The following TNFRSF8 variants were observed in gnomAD, a reference collection of about 807,000 sequenced individuals.
TNFRSF8 encodes TNF receptor superfamily member 8.
A neutral mutation model predicts 70.8 loss-of-function variants in TNFRSF8; 26 were observed. That is an observed-to-expected ratio of 0.37 (90% confidence interval 0.27 to 0.51). The LOEUF (loss-of-function observed/expected upper bound fraction) is 0.51, where lower values mean the gene tolerates loss of function less well. Ranked by LOEUF, TNFRSF8 falls within the 20% of genes least tolerant of loss-of-function variation. TNFRSF8 has a pLI of 0.94. For missense variants in TNFRSF8, 720 were observed against 807.9 expected (o/e 0.89, Z 1.32); for synonymous variants, 356 against 339.2 (o/e 1.05, Z -0.54).
In TNFRSF8 at chr1:12,109,143, C is replaced by T. The variant is rs547428042; in HGVS notation, c.422-423C>T. ...GCTCTGCCCAGCGCCAGTGGGAAGACAGCTTCCCTTTCTTACATTTTTAAT... is the reference window on the plus strand; with the variant it reads ...GCTCTGCCCAGCGCCAGTGGGAAGATAGCTTCCCTTTCTTACATTTTTAAT... On this transcript the variant is annotated intron_variant, in intron 4 of 14. Transcript: ENST00000263932. This position sits in a 1 kb window ranked among gnomAD's most constrained non-coding sequence, Gnocchi z 4.4. Among the ~76,000 whole-genome samples the T allele has an allele frequency of 6.6e-6, 1 of 152,316 alleles. No individual in the cohort carries two copies. The highest frequency in any genetic ancestry group is 1.9e-4 in the East Asian group (1 of 5,188).
intron 13 of TNFRSF8, 89 bp downstream of exon 13, chr1:12,135,702 G>A (rs931706176): frequency 6.4e-7 from 1 of 1,555,644 alleles, no homozygotes. Flanking sequence ...AGAGCTGCTG[G>A]GGGAAGGGAG....
intron 1 of TNFRSF8, among the ~76,000 whole-genome samples, chr1:12,073,074 G>T (rs149395793): frequency 3.0e-4 from 46 of 152,280 alleles, no homozygotes; most frequent in African/African-American, 9.6e-4. Flanking sequence ...GATCTCATGA[G>T]CCCAGGAGTT....
chr1:12,104,470 C>T lies in TNFRSF8; in HGVS notation c.360C>T (p.Asn120=), dbSNP rs749944820. 1.9e-6 allele frequency: 3 copies of T among 1,614,098 alleles called. No individual in the cohort carries two copies. In the Admixed American group the frequency reaches 5.0e-5, roughly 27 times the overall value. The change falls in exon 4 of 15, where the codon AAC becomes AAT. Residue 120 remains asparagine (N), a synonymous_variant. Transcript: ENST00000263932. ...PGMFCSTSAV[N]SCARCFFHSV... is the part of the protein sequence containing the mutation. ...TGTTCTGTTCCACGTCTGCCGTCAA[C>T]TCCTGTGCCCGCTGCTTCTTCCATT...
At chr1:12,136,712 G>T (rs816046) in intron 13 of TNFRSF8, among the ~76,000 whole-genome samples, 100,585 of 149,964 alleles carry the variant, frequency 0.67, 34,132 homozygotes, top group East Asian at 0.77. Context: ...GTATTCAAGA[G>T]TATGTATTAA....
At chr1:12,098,871 C>G (rs552573998) in intron 3 of TNFRSF8, among the ~76,000 whole-genome samples, 3 of 152,346 alleles carry the variant, frequency 2.0e-5, no homozygotes, top group African/African-American at 7.2e-5. Context: ...CATCCTCTTC[C>G]TGACTTTTAT....
chr1:12,073,719 G>C (rs1197772704), intron 1 of TNFRSF8, among the ~76,000 whole-genome samples: 2 of 151,040 alleles, frequency 1.3e-5, no homozygotes, highest in Admixed American at 6.6e-5. Context: ...TCAGGATCCC[G>C]AGTAGCTGGG....
Position 12,143,882 on chromosome 1 carries a change from C to T in TNFRSF8, c.*1351C>T, listed in dbSNP as rs964014022. The T allele has an allele frequency of 4.6e-5, 7 of 152,232 alleles. 1 individual carries two copies. The East Asian group carries it at 5.8e-4, about 13-fold the overall frequency. 9.4% of individuals were successfully genotyped at this position (152,232 alleles called of 1,614,324 possible). On this transcript the variant is annotated 3_prime_UTR_variant, in exon 15 of 15. Coordinates refer to ENST00000263932, the MANE Select transcript of TNFRSF8 (RefSeq NM_001243.5). The surrounding 1 kb of genome is among the most constrained non-coding windows in gnomAD (Gnocchi z 4.1). ...TGGAGGAAGTGATAGTTTCTGAAAC[C>T]GCTCAGATGTTTTGGGGAAAGTTGG...
chr1:12,133,615 C>T (rs1017630525), intron 12 of TNFRSF8, among the ~76,000 whole-genome samples: 4 of 151,440 alleles, frequency 2.6e-5, no homozygotes, highest in Non-Finnish European at 4.4e-5. Flanking sequence ...TGGTGCGTGC[C>T]TGTAATCCCA....
At chr1:12,104,125 T>A (rs1641473454) in intron 3 of TNFRSF8, among the ~76,000 whole-genome samples, 1 of 152,234 alleles carries the variant, frequency 6.6e-6, no homozygotes, top group African/African-American at 2.4e-5. Context: ...GTGTGTGGCC[T>A]TTTCAGACTG....
At chr1:12,095,472 G>C (rs1200688633) in intron 2 of TNFRSF8, among the ~76,000 whole-genome samples, 3 of 152,130 alleles carry the variant, frequency 2.0e-5, no homozygotes, top group Non-Finnish European at 2.9e-5. Flanking sequence ...ATTTTTAGTA[G>C]AGACGGTGTT....
chr1:12,097,934 C>A (rs1257452073), intron 3 of TNFRSF8, among the ~76,000 whole-genome samples: 1 of 151,794 alleles, frequency 6.6e-6, no homozygotes, highest in Non-Finnish European at 1.5e-5. Flanking sequence ...TAATGTGTAC[C>A]CTTATTTACT....
rs11569907 is a variant in TNFRSF8, at chr1:12,125,149, G to A, written c.1154-802G>A. 9.7e-3 allele frequency among the ~76,000 whole-genome samples: 1,477 copies of A among 152,320 alleles called. 35 individuals carry two copies. The highest frequency in any genetic ancestry group is 0.033 in the African/African-American group (1,373 of 41,576). On this transcript the variant is annotated intron_variant, in intron 10 of 14. Transcript: ENST00000263932. ...ATTAACGTTTGAGAAGCACTTAACT[G>A]GCATATACTACTTTTTAAACATCTA...
intron 1 of TNFRSF8, among the ~76,000 whole-genome samples, chr1:12,070,153 TGGGGGATTGGGGGGAGCAGGCA>T (rs1049006621): frequency 1.1e-4 from 7 of 62,594 alleles, no homozygotes; most frequent in African/African-American, 4.4e-4. Context: ...TGTGGGGGGC[TGGGGGATTGGGGGGAGCAGGCA>T]GGATGGGAGC....
intron 12 of TNFRSF8, among the ~76,000 whole-genome samples, chr1:12,135,258 T>A (rs369047118): frequency 6.9e-6 from 1 of 144,462 alleles, no homozygotes; most frequent in African/African-American, 2.6e-5. Context: ...GGAGGTTACA[T>A]TGAGCCGAGA....
intron 1 of TNFRSF8, among the ~76,000 whole-genome samples, chr1:12,074,792 T>C (rs1462658545): frequency 6.6e-6 from 1 of 152,118 alleles, no homozygotes; most frequent in Admixed American, 6.5e-5. Flanking sequence ...TTTGTTTGTT[T>C]GTTTATTTAT....
intron 1 of TNFRSF8, chr1:12,080,317 C>T (rs1641042053): frequency 5.7e-6 from 3 of 524,136 alleles, no homozygotes; most frequent in Non-Finnish European, 1.1e-5. Flanking sequence ...CATATGCCTT[C>T]TTCTCTCCAT....
At chr1:12,090,479 CGTACCCACTCATCCAT>C (rs1557582473) in intron 2 of TNFRSF8, among the ~76,000 whole-genome samples, 1 of 150,082 alleles carries the variant, frequency 6.7e-6, no homozygotes, top group African/African-American at 2.5e-5. Context: ...CATCCATCCA[CGTACCCACTCATCCAT>C]CCACCCACCC....
Position 12,141,578 on chromosome 1 carries a change from G to A in TNFRSF8, c.1544-709G>A, listed in dbSNP as rs1227862672. On this transcript the variant is annotated intron_variant, in intron 14 of 14. Transcript: ENST00000263932. This position sits in a 1 kb window ranked among gnomAD's most constrained non-coding sequence, Gnocchi z 5.4. ...CAGGCTGTCTCAATCATGGGCTGCC[G>A]AGACCTATTGAGGGGGCCGGGTTTT... 2.6e-5 allele frequency among the ~76,000 whole-genome samples: 4 copies of A among 152,378 alleles called. No homozygotes were observed. Among genetic ancestry groups the A allele is most frequent in the Non-Finnish European group, 5.9e-5 (4 of 68,038 alleles).
rs529940234 is a variant in TNFRSF8 at position 12,063,587 on chromosome 1, C to T, written c.-12C>T. ...CGCCGGCCGCCAGGCCACCTCACGTCCGGCCCCGGGGATGCGCGTCCTCCT... is the reference window on the plus strand; with the variant it reads ...CGCCGGCCGCCAGGCCACCTCACGTTCGGCCCCGGGGATGCGCGTCCTCCT... On this transcript the variant is annotated 5_prime_UTR_variant, in exon 1 of 15. Coordinates refer to ENST00000263932, the MANE Select transcript of TNFRSF8 (RefSeq NM_001243.5). This position sits in a 1 kb window ranked among gnomAD's most constrained non-coding sequence, Gnocchi z 7.2. The T allele has an allele frequency of 4.2e-4, 546 of 1,311,954 alleles. 7 individuals are homozygous for T. The South Asian group carries it at 6.9e-3, about 17-fold the overall frequency. 81.3% of individuals were successfully genotyped at this position (1,311,954 alleles called of 1,614,324 possible). A position where few individuals can be genotyped will look rare whatever the true frequency, so the allele number is the denominator to read the frequency against.
Sources: allele counts gnomAD v4.1 joint callset (sites outside exome capture counted in the v4.1 genomes callset), GRCh38; gene constraint gnomAD v4.1.1; non-coding constraint Gnocchi (gnomAD v3.1); transcripts MANE v1.5; gene names NCBI Gene and HGNC (gene_info 2026-07-23, HGNC 2026-07-21).